Variants in LINC00305 observed in about 807,000 individuals in gnomAD.
LINC00305 encodes the protein long independently transcribed non-coding RNA 305, also known as long intergenic non-protein coding RNA 305.
intron 3 of LINC00305, among the ~76,000 whole-genome samples, chr18:64,088,080 C>T (rs2051210888): frequency 6.6e-6 from 1 of 152,032 alleles, no homozygotes; most frequent in Non-Finnish European, 1.5e-5. Flanking sequence ...GCGGAGCTTG[C>T]CGTGAGCCGA....
chr18:64,141,077 A>AAG (rs1491464889), intron 1 of LINC00305, among the ~76,000 whole-genome samples: 2 of 141,592 alleles, frequency 1.4e-5, no homozygotes, highest in Non-Finnish European at 3.1e-5. Flanking sequence ...AAAAAAAAAA[A>AAG]TGATTCTTCC....
chr18:64,125,609 TC>T, intron 1 of LINC00305, among the ~76,000 whole-genome samples: 1 of 148,608 alleles, frequency 6.7e-6, no homozygotes, highest in Middle Eastern at 3.4e-3. Flanking sequence ...GTATCTTAAA[TC>T]CATCCATATA....
At chr18:64,098,787 C>T (rs1348073972) in intron 1 of LINC00305, 8 of 259,064 alleles carry the variant, frequency 3.1e-5, no homozygotes, top group South Asian at 1.8e-4. Context: ...CAGCCTTAGA[C>T]GTGTCCTCTA....
chr18:64,127,072 T>G (rs1446122620), intron 1 of LINC00305, among the ~76,000 whole-genome samples: 1 of 152,078 alleles, frequency 6.6e-6, no homozygotes, highest in East Asian at 1.9e-4. Flanking sequence ...AAGAGTAACC[T>G]TCCTCCCCGC....
chr18:64,133,018 G>A (rs996681416), intron 1 of LINC00305, among the ~76,000 whole-genome samples: 11 of 152,206 alleles, frequency 7.2e-5, no homozygotes, highest in Admixed American at 2.0e-4. Flanking sequence ...TGGGACTTCA[G>A]ACACGATATG....
chr18:64,084,200 G>T (rs746289721), intron 3 of LINC00305, among the ~76,000 whole-genome samples: 9 of 152,158 alleles, frequency 5.9e-5, no homozygotes, highest in Non-Finnish European at 1.2e-4. Flanking sequence ...GAATTTTCTT[G>T]TCTCTTTTCT....
At chr18:64,143,296 A>C (rs2051473128) in intron 1 of LINC00305, among the ~76,000 whole-genome samples, 1 of 152,186 alleles carries the variant, frequency 6.6e-6, no homozygotes, top group Admixed American at 6.5e-5. Context: ...AGATTAACAA[A>C]GCACCAAGAT....
At chr18:64,120,504 A>G (rs1459124739) in intron 1 of LINC00305, among the ~76,000 whole-genome samples, 2 of 151,892 alleles carry the variant, frequency 1.3e-5, no homozygotes, top group Non-Finnish European at 2.9e-5. Flanking sequence ...CCTGCTTAAC[A>G]TATTAGTCGT....
At chr18:64,096,170 T>G (rs2051244333) in intron 3 of LINC00305, among the ~76,000 whole-genome samples, 1 of 152,062 alleles carries the variant, frequency 6.6e-6, no homozygotes, top group Non-Finnish European at 1.5e-5. Flanking sequence ...AGAATCTTTA[T>G]GCATAATAAC....
At chr18:64,081,652 GGTTAAAAGAATTTGAGTAGTTAAGTA>G (rs1477349421) in intron 3 of LINC00305, among the ~76,000 whole-genome samples, 1 of 152,020 alleles carries the variant, frequency 6.6e-6, no homozygotes, top group Non-Finnish European at 1.5e-5. Context: ...ATAAATATTG[GGTTAAAAGAATTTGAGTAGTTAAGTA>G]GTTAAAAGAA....
chr18:64,095,512 G>A (rs2051241841), intron 3 of LINC00305, among the ~76,000 whole-genome samples: 1 of 152,034 alleles, frequency 6.6e-6, no homozygotes. Context: ...TGAGACTAAG[G>A]TGAAACAGGA....
chr18:64,132,387 G>C (rs759424814), intron 1 of LINC00305, among the ~76,000 whole-genome samples: 1 of 152,144 alleles, frequency 6.6e-6, no homozygotes, highest in Non-Finnish European at 1.5e-5. Flanking sequence ...ATATGTGTGT[G>C]ATGATAAAAA....
At chr18:64,087,967 A>AG (rs2051210069) in intron 3 of LINC00305, among the ~76,000 whole-genome samples, 1 of 152,038 alleles carries the variant, frequency 6.6e-6, no homozygotes, top group Admixed American at 6.5e-5. Context: ...ACAAAAAAAA[A>AG]CAAATATTAG....
intron 3 of LINC00305, among the ~76,000 whole-genome samples, chr18:64,094,855 A>AT (rs1274968274): frequency 0.026 from 3,957 of 149,952 alleles, 163 homozygotes; most frequent in African/African-American, 0.093. Context: ...CTTCATCTCA[A>AT]AAAATAAATA....
chr18:64,092,468 C>T (rs1428018980), intron 3 of LINC00305, among the ~76,000 whole-genome samples: 6 of 151,980 alleles, frequency 3.9e-5, no homozygotes, highest in South Asian at 2.1e-4. Flanking sequence ...AGGCTGAGGC[C>T]GGAGAATCGC....
intron 1 of LINC00305, among the ~76,000 whole-genome samples, chr18:64,146,238 A>G (rs1386283413): frequency 5.3e-5 from 8 of 152,346 alleles, no homozygotes; most frequent in Admixed American, 5.2e-4. Context: ...TATGTCCACC[A>G]TAGCACAGAT....
intron 1 of LINC00305, among the ~76,000 whole-genome samples, chr18:64,137,895 A>G (rs2051442950): frequency 6.6e-6 from 1 of 151,972 alleles, no homozygotes; most frequent in South Asian, 2.1e-4. Context: ...TTTTCCTTCT[A>G]TGAACCACCC....
chr18:64,143,556 G>A (rs747027479), intron 1 of LINC00305, among the ~76,000 whole-genome samples: 2,330 of 8,300 alleles, frequency 0.28, 136 homozygotes, highest in Non-Finnish European at 0.4. Flanking sequence ...CACATATTAT[G>A]TGTACATATA....
intron 1 of LINC00305, among the ~76,000 whole-genome samples, chr18:64,125,126 C>T (rs1425062658): frequency 1.3e-5 from 2 of 152,118 alleles, no homozygotes; most frequent in African/African-American, 4.8e-5. Flanking sequence ...TGAAATCTTG[C>T]TAAGACATGA....
Sources: gnomAD v4.1 joint callset for allele counts (sites outside exome capture counted in the v4.1 genomes callset) on GRCh38, gnomAD v4.1.1 for gene constraint, MANE v1.5 for transcripts, NCBI Gene and HGNC (gene_info 2026-07-23, HGNC 2026-07-21) for gene names.